Variants in ULK4 observed in about 807,000 individuals in gnomAD.
ULK4 encodes inactive serine/threonine-protein kinase ULK4.
Under a neutral mutation model 160.6 loss-of-function variants are expected in ULK4, and 133 were observed. The ratio of observed to expected loss-of-function variants is 0.83; its 90% CI spans 0.72 to 0.96. The LOEUF (loss-of-function observed/expected upper bound fraction) is 0.96. Ranked by LOEUF, ULK4 falls within the 40% of genes least tolerant of loss-of-function variation. ULK4 has a pLI of 0.00. For synonymous variants in ULK4, 534 were observed against 539.8 expected (o/e 0.99, Z 0.15); for missense variants, 1,580 against 1,499.5 (o/e 1.05, Z -0.89).
intron 4 of ULK4, among the ~76,000 whole-genome samples, chr3:41,932,776 C>A (rs1699641784): frequency 6.6e-6 from 1 of 152,106 alleles, no homozygotes; most frequent in South Asian, 2.1e-4. Context: ...AAGTGCAGTG[C>A]CTCACACCTG....
chr3:41,580,090 G>T (rs746898008), intron 31 of ULK4, among the ~76,000 whole-genome samples: 16 of 152,138 alleles, frequency 1.1e-4, no homozygotes, highest in African/African-American at 3.9e-4. Flanking sequence ...TTTTGCATGT[G>T]AATTTCGATT....
chr3:41,805,007 A>C (rs58534971), intron 19 of ULK4, among the ~76,000 whole-genome samples: 30 of 151,544 alleles, frequency 2.0e-4, no homozygotes, highest in South Asian at 6.2e-4. Flanking sequence ...TAGTTTTTTC[A>C]AATTCTGTGA....
At chr3:41,595,366 T>C (rs138829920) in intron 31 of ULK4, among the ~76,000 whole-genome samples, 125 of 152,222 alleles carry the variant, frequency 8.2e-4, no homozygotes, top group Non-Finnish European at 1.5e-3. Flanking sequence ...CCAGGTAAGA[T>C]AGCTGGCTGG....
chr3:41,567,582 G>A (rs2125605961), intron 31 of ULK4, among the ~76,000 whole-genome samples: 1 of 151,766 alleles, frequency 6.6e-6, no homozygotes, highest in South Asian at 2.1e-4. Flanking sequence ...GAGTAGGTGG[G>A]ACTACAGGCA....
intron 29 of ULK4, among the ~76,000 whole-genome samples, chr3:41,674,150 C>T (rs540549753): frequency 2.0e-5 from 3 of 152,192 alleles, no homozygotes; most frequent in African/African-American, 7.2e-5. Context: ...AAAATCTCCA[C>T]CTCCCCAATA....
intron 35 of ULK4, among the ~76,000 whole-genome samples, chr3:41,303,555 C>T (rs1402096555): frequency 1.3e-5 from 2 of 152,166 alleles, no homozygotes; most frequent in African/African-American, 4.8e-5. Context: ...GGGTAAAATA[C>T]AATCAACTTT....
chr3:41,325,614 T>C (rs1041220340), intron 35 of ULK4, among the ~76,000 whole-genome samples: 10 of 152,154 alleles, frequency 6.6e-5, no homozygotes, highest in African/African-American at 2.4e-4. Context: ...GATTTTATTT[T>C]ATATATAAAA....
intron 35 of ULK4, among the ~76,000 whole-genome samples, chr3:41,273,900 T>C (rs932083648): frequency 2.0e-5 from 3 of 151,930 alleles, no homozygotes; most frequent in African/African-American, 7.2e-5. Flanking sequence ...CTTGACCTTC[T>C]ATACCATGTT....
At chr3:41,916,169 TA>T in intron 7 of ULK4, 117 bp from the exon 8 acceptor site, 1 of 626,256 alleles carries the variant, frequency 1.6e-6, no homozygotes, top group Non-Finnish European at 2.7e-6. Context: ...ACATTATTAT[TA>T]AGAGAACACT....
rs59650826 is a variant in ULK4, at chr3:41,579,485, A to ATT, written c.3121-13357_3121-13356dup. ...CTATTCACTTCAATCTGGAACTAAT[A>ATT]TTTTTTTTTTTTTTTTTTTTTTTTT... is the stretch of plus-strand genomic sequence containing the variant. On this transcript the variant is annotated intron_variant, in intron 31 of 36. Transcript: ENST00000301831. Among the ~76,000 whole-genome samples, 188 of 85,178 alleles carry ATT rather than the reference A, an allele frequency of 2.2e-3. 14 individuals carry two copies. The highest frequency in any genetic ancestry group is 0.02 in the South Asian group (42 of 2,124). The allele number at this position is 85,178 out of a possible 152,430, so 55.9% of individuals were successfully genotyped here. A position where few individuals can be genotyped will look rare whatever the true frequency, so the allele number is the denominator to read the frequency against.
chr3:41,890,816 T>C (rs866039295), intron 16 of ULK4, among the ~76,000 whole-genome samples: 2 of 1,846 alleles, frequency 1.1e-3, no homozygotes, highest in African/African-American at 3.6e-3. Flanking sequence ...AAGGAAGGGA[T>C]GGGAGGGGGG....
At chr3:41,495,256 C>G (rs79979570) in intron 32 of ULK4, among the ~76,000 whole-genome samples, 61,889 of 151,248 alleles carry the variant, frequency 0.41, 12,788 homozygotes, top group African/African-American at 0.44. Flanking sequence ...CAGAACAGAG[C>G]CCTCAGAAAT....
chr3:41,907,828 T>A lies in ULK4; in HGVS notation c.1182+17A>T. On this transcript the variant is annotated intron_variant, in intron 12 of 36. Coordinates refer to ENST00000301831, the MANE Select transcript of ULK4 (RefSeq NM_017886.4). The stretch of plus-strand genomic sequence containing the variant: ...TCTACATCTTATGTAGGAAGAAAAT[T>A]TCCCAAGTCTGCTCACCTTGGTCAG... 6.6e-7 allele frequency: 1 copy of A among 1,519,658 alleles called. No homozygotes were observed. The highest frequency in any genetic ancestry group is 8.8e-7 in the Non-Finnish European group (1 of 1,131,792). The allele number at this position is 1,519,658 out of a possible 1,614,324, so 94.1% of individuals were successfully genotyped here.
Position 41,566,126 on chromosome 3 carries a change from T to A in ULK4, c.3125A>T (p.His1042Leu). The change falls in exon 32 of 37, where the codon CAT (histidine) becomes CTT (leucine). Residue 1042 changes from histidine to leucine, a missense_variant. His to Leu is a moderately conservative substitution (Grantham distance 99). Coordinates refer to ENST00000301831, the MANE Select transcript of ULK4 (RefSeq NM_017886.4). ...IPLIFEVTLE[H>L]QESILGNTMQ... ...GGTATTACCCAGAATGCTCTCCTGA[T>A]GTTCCTGCAATAGATCATAATTTCC... 6.2e-7 allele frequency: 1 copy of A among 1,611,836 alleles called. No individual in the cohort carries two copies. Among genetic ancestry groups the A allele is most frequent in the Non-Finnish European group, 8.5e-7 (1 of 1,178,700 alleles).
chr3:41,417,188 A>G (rs529545344), intron 34 of ULK4, among the ~76,000 whole-genome samples: 8 of 152,308 alleles, frequency 5.3e-5, no homozygotes, highest in African/African-American at 1.9e-4. Flanking sequence ...CACTTGTTCC[A>G]GGAGAAACTC....
At chr3:41,344,794 A>T (rs1453623791) in intron 35 of ULK4, among the ~76,000 whole-genome samples, 1 of 150,718 alleles carries the variant, frequency 6.6e-6, no homozygotes, top group South Asian at 2.1e-4. Flanking sequence ...GACAAATGGG[A>T]TCTAATTAAA....
chr3:41,817,962 G>A lies in ULK4; in HGVS notation c.1848+1461C>T, dbSNP rs115855518. The stretch of plus-strand genomic sequence containing the variant: ...CATCAGGGAAATGCAAATCAAAACC[G>A]CAATAAGATACCATCTCACCCCAAT... On this transcript the variant is annotated intron_variant, in intron 19 of 36. Transcript: ENST00000301831. Among the ~76,000 whole-genome samples the A allele has an allele frequency of 9.3e-3, 1,413 of 151,758 alleles. 16 individuals carry two copies. Among genetic ancestry groups the A allele is most frequent in the African/African-American group, 0.032 (1,333 of 41,404 alleles).
chr3:41,326,378 TTAAC>T, intron 35 of ULK4, among the ~76,000 whole-genome samples: 1 of 152,216 alleles, frequency 6.6e-6, no homozygotes, highest in African/African-American at 2.4e-5. Flanking sequence ...CCAGTTCTCT[TTAAC>T]TAGATTACCC....
intron 27 of ULK4, among the ~76,000 whole-genome samples, 195 bp from the exon 28 acceptor site, chr3:41,681,999 A>C (rs1034430385): frequency 6.6e-6 from 1 of 152,232 alleles, no homozygotes; most frequent in African/African-American, 2.4e-5. Flanking sequence ...AAAAGTCCTC[A>C]GGTCAAAATG....
Sources: allele counts gnomAD v4.1 joint callset (sites outside exome capture counted in the v4.1 genomes callset), GRCh38; gene constraint gnomAD v4.1.1; transcripts MANE v1.5; gene names NCBI Gene and HGNC (gene_info 2026-07-23, HGNC 2026-07-21).